Variants in AP3D1 observed in about 807,000 individuals in gnomAD.
AP3D1 encodes adaptor related protein complex 3 subunit delta 1.
AP3D1 carries 51 observed loss-of-function variants against 147.6 expected under a neutral mutation model. The observed-to-expected ratio is 0.35, with a 90% CI of 0.28 to 0.44. The LOEUF (loss-of-function observed/expected upper bound fraction) is 0.44, where lower values mean the gene tolerates loss of function less well. Ranked by LOEUF, AP3D1 falls within the 20% of genes least tolerant of loss-of-function variation. The pLI is 1.00. For missense variants in AP3D1, 1,421 were observed against 1,624.2 expected (o/e 0.87, Z 2.15); for synonymous variants, 760 against 663.0 (o/e 1.15, Z -2.25).
intron 1 of AP3D1, among the ~76,000 whole-genome samples, chr19:2,150,506 G>A (rs1240700893): frequency 6.6e-6 from 1 of 152,220 alleles, no homozygotes; most frequent in Non-Finnish European, 1.5e-5. Context: ...GTTCCTACTT[G>A]AAGTCAGCTT....
At chr19:2,154,938 C>T (rs563831688), upstream of AP3D1, among the ~76,000 whole-genome samples, 26 of 152,294 alleles carry the variant, frequency 1.7e-4, no homozygotes, top group South Asian at 4.1e-4. Context: ...CCAGCACTTC[C>T]GGAGGCTGAG....
chr19:2,108,466 TG>T (rs1355156865), intron 31 of AP3D1, among the ~76,000 whole-genome samples: 2 of 152,168 alleles, frequency 1.3e-5, no homozygotes, highest in East Asian at 3.8e-4. Context: ...TGTGTCAGCC[TG>T]CGGTGAGCAG....
At chr19:2,133,072 C>T (rs2018991841) in intron 4 of AP3D1, among the ~76,000 whole-genome samples, 1 of 152,196 alleles carries the variant, frequency 6.6e-6, no homozygotes, top group Non-Finnish European at 1.5e-5. Context: ...GGCCTAAAAC[C>T]AGGGCTTCCC....
At position 2,113,344 on chromosome 19, in the gene AP3D1, G is replaced by T; in HGVS notation, c.2671C>A (p.Pro891Thr). The change falls in exon 23 of 32, where the codon CCA becomes ACA. Residue 891 changes from proline to threonine, a missense_variant. This residue lies in a region of AP3D1 where 791 missense variants were observed against 761.4 expected (regional missense o/e 1.04). Coordinates refer to ENST00000643116, the MANE Select transcript of AP3D1 (RefSeq NM_001261826.3). ...AGCTGCCAGTCTCTTACCGTGGATG[G>T]AACGGGGGCGGGGGCGGGGGCGGGG... Reference protein sequence around the residue: ...PAPAPAPAPVPSTGELSVNTV... With the variant: ...PAPAPAPAPVTSTGELSVNTV... 2.0e-6 allele frequency: 2 copies of T among 1,007,310 alleles called. No homozygotes were observed. Among genetic ancestry groups the T allele is most frequent in the Non-Finnish European group, 2.7e-6 (2 of 742,036 alleles). 62.4% of individuals were successfully genotyped at this position (1,007,310 alleles called of 1,614,324 possible). A position where few individuals can be genotyped will look rare whatever the true frequency, so the allele number is the denominator to read the frequency against.
upstream of AP3D1, among the ~76,000 whole-genome samples, chr19:2,156,364 C>T (rs2019645405): frequency 6.6e-6 from 1 of 152,080 alleles, no homozygotes; most frequent in South Asian, 2.1e-4. Flanking sequence ...ATCAAATCAT[C>T]CATTCATACA....
Position 2,111,847 on chromosome 19 carries a change from C to T in AP3D1, c.2788-19G>A, listed in dbSNP as rs778027207. The stretch of plus-strand genomic sequence containing the variant: ...GAGATTTCTGGAGCAAGAGGAGGGT[C>T]GGGTTCAGTGCCCAGGCTGCTCCAG... On this transcript the variant is annotated intron_variant, in intron 24 of 31. Transcript: ENST00000643116. 5.6e-6 allele frequency: 9 copies of T among 1,612,788 alleles called. No homozygotes were observed. Among genetic ancestry groups the T allele is most frequent in the South Asian group, 1.1e-5 (1 of 91,074 alleles).
At chr19:2,131,313 T>A (rs1441996801) in intron 5 of AP3D1, among the ~76,000 whole-genome samples, 2 of 150,758 alleles carry the variant, frequency 1.3e-5, no homozygotes, top group Non-Finnish European at 1.5e-5. Flanking sequence ...TCGGCCACGA[T>A]CTAGACACCA....
At chr19:2,114,042 C>T in intron 22 of AP3D1, 83 bp downstream of exon 22, 1 of 1,485,630 alleles carries the variant, frequency 6.7e-7, no homozygotes, top group Non-Finnish European at 8.9e-7. Context: ...ACAGCCATTT[C>T]CCCTGAGCTC....
chr19:2,152,550 A>G (rs917390580), upstream of AP3D1, among the ~76,000 whole-genome samples: 2 of 150,092 alleles, frequency 1.3e-5, no homozygotes, highest in African/African-American at 4.9e-5. Flanking sequence ...TAAAAAAAAA[A>G]GAGAGGGAGA....
Position 2,130,454 on chromosome 19 carries a change from G to A in AP3D1, c.546C>T (p.Arg182=), listed in dbSNP as rs565474092. The part of the protein sequence containing the change: ...KVFLKYPESL[R]PAFPRLKEKL... ...TCTCCTTCAGCCGGGGAAAGGCAGG[G>A]CGCAGCGACTCGGGGTACTTCAGGA... The change falls in exon 6 of 32, where the codon CGC becomes CGT. Residue 182 remains arginine, a synonymous_variant. Transcript: ENST00000643116. 3 of 1,614,076 alleles carry A rather than the reference G, an allele frequency of 1.9e-6. No homozygotes were observed. The South Asian group carries it at 3.3e-5, about 18-fold the overall frequency.
intron 24 of AP3D1, chr19:2,112,342 A>T (rs903439965): frequency 4.4e-5 from 8 of 179,920 alleles, no homozygotes; most frequent in Non-Finnish European, 5.9e-5. Flanking sequence ...ACGAACAGGA[A>T]CCAGGCTCTG....
At chr19:2,141,739 CTT>C (rs376543698) in intron 1 of AP3D1, among the ~76,000 whole-genome samples, 1 of 147,386 alleles carries the variant, frequency 6.8e-6, no homozygotes, top group African/African-American at 2.5e-5. Flanking sequence ...CATGCCCGGC[CTT>C]TTTTTTTTCT....
chr19:2,115,535 T>C lies in AP3D1; in HGVS notation c.2149+3A>G. 1 of 1,612,724 alleles carries C rather than the reference T, an allele frequency of 6.2e-7. No homozygotes were observed. The highest frequency in any genetic ancestry group is 8.5e-7 in the Non-Finnish European group (1 of 1,179,654). On this transcript the variant is annotated splice_donor_region_variant and intron_variant, in intron 19 of 31. Transcript: ENST00000643116. ...GCGGCGCCGACACACCGGAGACACT[T>C]GCCTGGAACCTTCAAGGGGACGGAG...
chr19:2,149,771 AGT>A (rs763402830), intron 1 of AP3D1, among the ~76,000 whole-genome samples: 4 of 152,206 alleles, frequency 2.6e-5, no homozygotes, highest in African/African-American at 9.6e-5. Context: ...CAGGCTGCTC[AGT>A]GACATGCGCT....
At chr19:2,114,044 CCT>C (rs1222307797) in intron 22 of AP3D1, 79 bp downstream of exon 22, 63 of 1,487,196 alleles carry the variant, frequency 4.2e-5, no homozygotes, top group South Asian at 1.7e-4. Flanking sequence ...AGCCATTTCC[CCT>C]GAGCTCACCG....
upstream of AP3D1, among the ~76,000 whole-genome samples, chr19:2,151,775 GC>G (rs2019527522): frequency 6.6e-6 from 1 of 152,254 alleles, no homozygotes; most frequent in Non-Finnish European, 1.5e-5. Context: ...TTGGTCAGTG[GC>G]CTCCGGAACT....
At position 2,129,402 on chromosome 19, in the gene AP3D1, C is replaced by T. The variant is rs1177827994; in HGVS notation, c.648G>A (p.Lys216=). 8 of 1,614,110 alleles carry T rather than the reference C, an allele frequency of 5.0e-6. No homozygotes were observed. In the East Asian group the frequency reaches 1.3e-4, roughly 27 times the overall value. The change falls in exon 7 of 32, where the codon AAG becomes AAA. Residue 216 remains lysine, a synonymous_variant. Transcript: ENST00000643116. ...VICELARRNP[K]NYLSLAPLFF... Reference sequence around the variant, plus strand: ...AGAGCGGGGCCAGGGACAGGTAGTTCTTAGGGTTGCGTCTGGCCAGCTCGC... The same window carrying T: ...AGAGCGGGGCCAGGGACAGGTAGTTTTTAGGGTTGCGTCTGGCCAGCTCGC...
intron 1 of AP3D1, among the ~76,000 whole-genome samples, chr19:2,147,255 G>A (rs1568308923): frequency 6.7e-6 from 1 of 149,972 alleles, no homozygotes; most frequent in Admixed American, 6.7e-5. Context: ...TGAGGCAGGA[G>A]AATTGCTTGA....
intron 29 of AP3D1, chr19:2,109,560 C>T (rs1020402750): frequency 8.2e-5 from 40 of 487,702 alleles, no homozygotes; most frequent in Non-Finnish European, 1.3e-4. Flanking sequence ...GGGTGCCGCA[C>T]GCCAAGCCGT....
Sources: allele counts gnomAD v4.1 joint callset (sites outside exome capture counted in the v4.1 genomes callset), GRCh38; gene constraint gnomAD v4.1.1; regional missense constraint gnomAD v4.1.1; transcripts MANE v1.5; gene names NCBI Gene and HGNC (gene_info 2026-07-23, HGNC 2026-07-21).